Variants in NHS observed in about 807,000 individuals in gnomAD.
NHS encodes the protein actin remodeling regulator NHS.
Under a neutral mutation model 72.5 loss-of-function variants are expected in NHS, and 5 were observed. The ratio of observed to expected loss-of-function variants is 0.07; its 90% CI spans 0.04 to 0.14. The LOEUF is 0.14. Ranked by LOEUF, NHS falls within the 10% of genes least tolerant of loss-of-function variation. NHS has a pLI of 1.00. For synonymous variants in NHS, 464 were observed against 547.7 expected, an observed-to-expected ratio of 0.85 and a Z score of 2.13; for missense variants, 1,072 against 1,355.7, an observed-to-expected ratio of 0.79 and a Z score of 3.29.
At chrX:17,536,183 G>A (rs944304764) in intron 1 of NHS, among the ~76,000 whole-genome samples, 8 of 111,436 alleles carry the variant, frequency 7.2e-5, no homozygotes, top group African/African-American at 1.6e-4. Flanking sequence ...GTGAAACCCC[G>A]TCTCTGCTAA....
intron 1 of NHS, among the ~76,000 whole-genome samples, chrX:17,389,427 A>G (rs913436700): frequency 9.0e-5 from 10 of 111,164 alleles, no homozygotes; most frequent in Non-Finnish European, 1.3e-4. Flanking sequence ...TATCCAAGAC[A>G]AATTGAAATA....
chrX:17,459,855 G>C (rs1321743061), intron 1 of NHS, among the ~76,000 whole-genome samples: 1 of 112,347 alleles, frequency 8.9e-6, no homozygotes, highest in African/African-American at 3.2e-5. Flanking sequence ...CCTTCCAAAA[G>C]AGAAAACTTG....
chrX:17,508,596 G>A (rs962232916), intron 1 of NHS, among the ~76,000 whole-genome samples: 11 of 110,868 alleles, frequency 9.9e-5, no homozygotes, highest in East Asian at 2.8e-4. Context: ...TCAGCCTCCC[G>A]AGTAGCTGGG....
At chrX:17,564,969 A>ATTTTTTTTTTTTTTTTTTTTT (rs201932159) in intron 1 of NHS, among the ~76,000 whole-genome samples, 1 of 99,944 alleles carries the variant, frequency 1.0e-5, no homozygotes, top group Admixed American at 1.0e-4. Context: ...GTACAGCCAC[A>ATTTTTTTTTTTTTTTTTTTTT]TTTTTTTTTA....
intron 1 of NHS, among the ~76,000 whole-genome samples, chrX:17,448,075 T>C (rs1389271218): frequency 2.7e-5 from 3 of 111,489 alleles, no homozygotes; most frequent in African/African-American, 9.8e-5. Context: ...CTTTTATGTA[T>C]AGCAGTATAT....
chrX:17,706,440 CTG>C (rs1348552671), intron 3 of NHS, among the ~76,000 whole-genome samples: 1 of 110,628 alleles, frequency 9.0e-6, no homozygotes, highest in African/African-American at 3.3e-5. Flanking sequence ...AATGGGAACA[CTG>C]TGCTATTTTT....
At position 17,406,301 on chromosome X, in the gene NHS, T is replaced by C. The variant is rs933504211; in HGVS notation, c.565+29979T>C. 7.2e-5 allele frequency among the ~76,000 whole-genome samples: 8 copies of C among 111,646 alleles called. No homozygotes were observed. In the East Asian group the frequency reaches 8.5e-4, roughly 12 times the overall value. ...TCCACCCCAAACCCCCTTGTCCACATTGGTAAAGTAGTTTCTAGAAGATGT... is the reference window on the plus strand; with the variant it reads ...TCCACCCCAAACCCCCTTGTCCACACTGGTAAAGTAGTTTCTAGAAGATGT... On this transcript the variant is annotated intron_variant, in intron 1 of 8. Transcript: ENST00000676302.
At chrX:17,410,586 ACCTTT>A (rs1159512002) in intron 1 of NHS, among the ~76,000 whole-genome samples, 1 of 95,654 alleles carries the variant, frequency 1.0e-5, no homozygotes, top group Non-Finnish European at 2.0e-5. Flanking sequence ...CCCTCCTGAC[ACCTTT>A]CCTTTCCCTT....
At chrX:17,479,233 T>A (rs1343518969) in intron 1 of NHS, among the ~76,000 whole-genome samples, 1 of 112,639 alleles carries the variant, frequency 8.9e-6, no homozygotes, top group Admixed American at 9.4e-5. Flanking sequence ...AGGACATGAA[T>A]TCATCCTTTT....
intron 1 of NHS, among the ~76,000 whole-genome samples, chrX:17,479,395 T>G (rs773691304): frequency 7.1e-5 from 8 of 112,518 alleles, no homozygotes; most frequent in Non-Finnish European, 1.3e-4. Context: ...GTAGAGTGAT[T>G]TATAATCCTT....
At chrX:17,484,535 A>G (rs1295831565) in intron 1 of NHS, among the ~76,000 whole-genome samples, 3 of 111,058 alleles carry the variant, frequency 2.7e-5, no homozygotes, top group African/African-American at 9.9e-5. Context: ...AGAGGGTACA[A>G]CTGTGGACAA....
intron 1 of NHS, among the ~76,000 whole-genome samples, chrX:17,623,825 A>G (rs1337993761): frequency 2.7e-5 from 3 of 111,882 alleles, no homozygotes; most frequent in Non-Finnish European, 5.7e-5. Context: ...ACACAACCTG[A>G]CACACCCCCA....
At chrX:17,449,372 G>T (rs1250233814) in intron 1 of NHS, among the ~76,000 whole-genome samples, 3 of 112,359 alleles carry the variant, frequency 2.7e-5, no homozygotes, top group South Asian at 7.3e-4. Flanking sequence ...CCTATCTAAG[G>T]CTGCATTTCT....
intron 1 of NHS, among the ~76,000 whole-genome samples, chrX:17,464,148 A>C (rs769111989): frequency 1.1e-3 from 123 of 111,865 alleles, no homozygotes; most frequent in African/African-American, 3.9e-3. Flanking sequence ...TTCCATGGGT[A>C]GCCTTGGAGA....
At chrX:17,619,879 T>C (rs2065764557) in intron 1 of NHS, among the ~76,000 whole-genome samples, 1 of 111,687 alleles carries the variant, frequency 9.0e-6, no homozygotes, top group Non-Finnish European at 1.9e-5. Context: ...TACAGCGACT[T>C]CTTACCTCAC....
rs1298010303 is a variant in NHS, at chrX:17,731,395, G to A, written c.4350-463G>A. Among the ~76,000 whole-genome samples the A allele has an allele frequency of 5.5e-5, 6 of 108,648 alleles. No individual in the cohort carries two copies. In the Admixed American group the frequency reaches 5.9e-4, roughly 11 times the overall value. The allele number at this position is 108,648 out of a possible 115,157, so 94.3% of individuals were successfully genotyped here. A position where few individuals can be genotyped will look rare whatever the true frequency, so the allele number is the denominator to read the frequency against. On this transcript the variant is annotated intron_variant, in intron 8 of 8. Coordinates refer to ENST00000676302, the MANE Select transcript of NHS (RefSeq NM_001291867.2). ...TGGGACTACAGGCATGCTCCATCAT[G>A]CCCGGCTAATTTTTGTATTTTTAGT...
Position 17,681,969 on chromosome X carries a change from T to C in NHS, c.566-5773T>C, listed in dbSNP as rs762896484. Among the ~76,000 whole-genome samples the C allele has an allele frequency of 1.2e-4, 13 of 111,142 alleles. No homozygotes were observed. The East Asian group carries it at 3.7e-3, about 32-fold the overall frequency. On this transcript the variant is annotated intron_variant, in intron 1 of 8. Coordinates refer to ENST00000676302, the MANE Select transcript of NHS (RefSeq NM_001291867.2). Reference sequence around the variant, plus strand: ...CATAGTGGGGAACAAATCTGAATTATTATGGTTCTACAGAACAGGAAGCCC... The same window carrying C: ...CATAGTGGGGAACAAATCTGAATTACTATGGTTCTACAGAACAGGAAGCCC...
intron 1 of NHS, among the ~76,000 whole-genome samples, chrX:17,455,110 G>A (rs1288665946): frequency 1.8e-5 from 2 of 111,507 alleles, no homozygotes; most frequent in Admixed American, 9.5e-5. Context: ...AAAGTAAAGT[G>A]GAATTGCCCT....
intron 1 of NHS, among the ~76,000 whole-genome samples, chrX:17,440,522 C>G (rs1465848797): frequency 9.0e-6 from 1 of 111,409 alleles, no homozygotes; most frequent in Non-Finnish European, 1.9e-5. Flanking sequence ...ACCTCAAGGA[C>G]AGATGGAAGC....
Sources: allele counts gnomAD v4.1 joint callset (sites outside exome capture counted in the v4.1 genomes callset), GRCh38; gene constraint gnomAD v4.1.1; transcripts MANE v1.5; gene names NCBI Gene and HGNC (gene_info 2026-07-23, HGNC 2026-07-21).